ANKRD55: variants seen among roughly 807,000 people sequenced by gnomAD.
ANKRD55 encodes the protein ankyrin repeat domain-containing protein 55.
ANKRD55 carries 41 observed loss-of-function variants against 60.6 expected under a neutral mutation model. The observed-to-expected ratio is 0.68, with a 90% CI of 0.53 to 0.88. The LOEUF is 0.88. Among genes scored for constraint, ANKRD55 ranks in the 40% least tolerant of loss-of-function variants. The pLI, the probability that ANKRD55 is intolerant of heterozygous loss-of-function variation, is 0.00. For missense variants in ANKRD55, 732 were observed against 767.6 expected, an observed-to-expected ratio of 0.95 and a Z score of 0.55; for synonymous variants, 264 against 290.3, an observed-to-expected ratio of 0.91 and a Z score of 0.92.
chr5:56,099,945 T>A lies in ANKRD55; in HGVS notation c.*238A>T, dbSNP rs1307395056. The A allele has an allele frequency of 2.1e-6, 1 of 473,290 alleles. No individual in the cohort carries two copies. The highest frequency in any genetic ancestry group is 3.7e-6 in the Non-Finnish European group (1 of 267,344). 29.3% of individuals were successfully genotyped at this position (473,290 alleles called of 1,614,324 possible). On this transcript the variant is annotated 3_prime_UTR_variant, in exon 12 of 12. Coordinates refer to ENST00000341048, the MANE Select transcript of ANKRD55 (RefSeq NM_024669.3). ...TCCTACTGATAACATATTTTGTCTT[T>A]TAATTTTGGCATGTGGAAGTCACAG...
rs989048741 is a variant in ANKRD55 at position 56,181,804 on chromosome 5, G to A, written c.181+1708C>T. ...GGGGTTTCACCGTGTTGGCCAGGCC[G>A]GTCTTGACCTCAAGTCCTGATCTCA... On this transcript the variant is annotated intron_variant, in intron 3 of 11. Coordinates refer to ENST00000341048, the MANE Select transcript of ANKRD55 (RefSeq NM_024669.3). Among the ~76,000 whole-genome samples the A allele has an allele frequency of 3.3e-5, 5 of 152,178 alleles. No individual in the cohort carries two copies. The South Asian group carries it at 8.3e-4, about 25-fold the overall frequency.
chr5:56,111,529 T>C lies in ANKRD55; in HGVS notation c.1219A>G (p.Lys407Glu). ...TTTGAATTGTCTGAGGTTTTCTTCT[T>C]AAATTCAACCATAGCCACCTGATCA... ...PGDQVAMVEF[K>E]KKTSDNSKYL... Residue 407 changes from lysine to glutamate, a missense_variant, in exon 10 of 12, where the codon AAG becomes GAG. Physicochemically the swap from Lys to Glu is moderately conservative, Grantham distance 56 (BLOSUM62 1). Transcript: ENST00000341048. 1 of 1,614,100 alleles carries C rather than the reference T, an allele frequency of 6.2e-7. No homozygotes were observed. Among genetic ancestry groups the C allele is most frequent in the South Asian group, 1.1e-5 (1 of 91,074 alleles).
At chr5:56,155,780 G>A (rs747778707) in intron 6 of ANKRD55, among the ~76,000 whole-genome samples, 1 of 150,936 alleles carries the variant, frequency 6.6e-6, no homozygotes, top group African/African-American at 2.4e-5. Context: ...AGGATGCGGA[G>A]GTTACAGTGC....
intron 2 of ANKRD55, among the ~76,000 whole-genome samples, chr5:56,212,937 C>T (rs937230847): frequency 1.3e-5 from 2 of 152,168 alleles, no homozygotes; most frequent in East Asian, 3.8e-4. Context: ...TAATTCATTA[C>T]ATGAAAATAT....
intron 2 of ANKRD55, among the ~76,000 whole-genome samples, chr5:56,188,391 A>G (rs1759023332): frequency 6.6e-6 from 1 of 152,122 alleles, no homozygotes; most frequent in African/African-American, 2.4e-5. Context: ...AAAAGAAAAA[A>G]GAAATCTTAG....
rs375196460 is a variant in ANKRD55 at position 56,111,446 on chromosome 5, C to G, written c.1302G>C (p.Thr434=). ...CCAGGGTGATGGGTGGGAGACTCTG[C>G]GTTCTGATTGGTGGAAGCCCCTTAC... The part of the protein sequence containing the change: ...LARKGLPPIR[T]QSLPPITLGN... Residue 434 remains threonine, a synonymous_variant, in exon 10 of 12, where the codon ACG becomes ACC. Coordinates refer to ENST00000341048, the MANE Select transcript of ANKRD55 (RefSeq NM_024669.3). 2 of 1,614,014 alleles carry G rather than the reference C, an allele frequency of 1.2e-6. No homozygotes were observed. The highest frequency in any genetic ancestry group is 2.7e-5 in the African/African-American group (2 of 74,908).
chr5:56,134,271 T>A (rs986439912), intron 7 of ANKRD55, among the ~76,000 whole-genome samples: 1 of 115,406 alleles, frequency 8.7e-6, no homozygotes, highest in Non-Finnish European at 2.1e-5. Flanking sequence ...CTGAATACGT[T>A]TATGTCTATT....
At chr5:56,143,144 C>CG (rs1328431702) in intron 7 of ANKRD55, among the ~76,000 whole-genome samples, 6 of 152,108 alleles carry the variant, frequency 3.9e-5, no homozygotes, top group African/African-American at 1.4e-4. Flanking sequence ...AAGACAGAGA[C>CG]GGGCTGGCAA....
intron 6 of ANKRD55, among the ~76,000 whole-genome samples, chr5:56,152,785 C>G (rs1439661022): frequency 6.6e-6 from 1 of 151,846 alleles, no homozygotes; most frequent in Non-Finnish European, 1.5e-5. Context: ...ATCATTGGAA[C>G]AGAACAAAGA....
intron 7 of ANKRD55, chr5:56,127,384 ATACAGGTGC>A (rs1757298039): frequency 1.0e-6 from 1 of 976,038 alleles, no homozygotes; most frequent in African/African-American, 1.8e-5. Context: ...TTGAAATTAA[ATACAGGTGC>A]AATGGACTGA....
intron 7 of ANKRD55, among the ~76,000 whole-genome samples, chr5:56,136,222 G>A (rs1757594207): frequency 6.6e-6 from 1 of 152,132 alleles, no homozygotes; most frequent in South Asian, 2.1e-4. Flanking sequence ...AGTCCCTATC[G>A]AAATACCAGA....
intron 2 of ANKRD55, among the ~76,000 whole-genome samples, chr5:56,228,198 A>C (rs780620563): frequency 6.6e-6 from 1 of 152,066 alleles, no homozygotes; most frequent in Non-Finnish European, 1.5e-5. Flanking sequence ...AAGGACTTTG[A>C]GAGGAGGAGT....
At position 56,136,170 on chromosome 5, in the gene ANKRD55, T is replaced by G. The variant is rs569547287; in HGVS notation, c.612+7631A>C. ...CATGGTTAAGAAGACTTAAAATTGT[T>G]AAGATATCAGTTCTTCAAAATTTGA... On this transcript the variant is annotated intron_variant, in intron 7 of 11. Coordinates refer to ENST00000341048, the MANE Select transcript of ANKRD55 (RefSeq NM_024669.3). 1.3e-3 allele frequency among the ~76,000 whole-genome samples: 200 copies of G among 152,328 alleles called. 2 individuals are homozygous for G. The highest frequency in any genetic ancestry group is 4.5e-3 in the African/African-American group (189 of 41,582).
intron 9 of ANKRD55, among the ~76,000 whole-genome samples, chr5:56,112,511 A>AAAAAACAAAAAAAAAAC (rs1554036586): frequency 2.5e-5 from 2 of 81,528 alleles, no homozygotes; most frequent in Non-Finnish European, 4.7e-5. Flanking sequence ...TAGCAAAAAA[A>AAAAAACAAAAAAAAAAC]AAAAAAAAAA....
chr5:56,230,584 C>T (rs529433936), intron 2 of ANKRD55, among the ~76,000 whole-genome samples: 35 of 152,268 alleles, frequency 2.3e-4, no homozygotes, highest in African/African-American at 7.2e-4. Context: ...GAGAAAGTCA[C>T]CTCCCTTTGG....
rs77355159 is a variant in ANKRD55, at chr5:56,191,617, T to A, written c.59-7983A>T. Among the ~76,000 whole-genome samples, 57 of 152,120 alleles carry A rather than the reference T, an allele frequency of 3.7e-4. 1 individual carries two copies. In the East Asian group the frequency reaches 0.011, roughly 28 times the overall value. On this transcript the variant is annotated intron_variant, in intron 2 of 11. Coordinates refer to ENST00000341048, the MANE Select transcript of ANKRD55 (RefSeq NM_024669.3). Reference sequence around the variant, plus strand: ...TTAGAGCTTATAAAAATGGACCGAGTCACCTCAAGAAGTAGTGAGCTTCCT... The same window carrying A: ...TTAGAGCTTATAAAAATGGACCGAGACACCTCAAGAAGTAGTGAGCTTCCT...
intron 2 of ANKRD55, among the ~76,000 whole-genome samples, chr5:56,206,400 C>T (rs1354380446): frequency 6.6e-6 from 1 of 152,144 alleles, no homozygotes; most frequent in Non-Finnish European, 1.5e-5. Flanking sequence ...GACTGGATTA[C>T]AAAAATTATG....
intron 2 of ANKRD55, among the ~76,000 whole-genome samples, chr5:56,203,848 C>G (rs1485613425): frequency 6.6e-6 from 1 of 152,128 alleles, no homozygotes; most frequent in Non-Finnish European, 1.5e-5. Flanking sequence ...TGGGTATATA[C>G]CCAGTAATGG....
chr5:56,226,946 T>G (rs1194575421), intron 2 of ANKRD55, among the ~76,000 whole-genome samples: 1 of 152,192 alleles, frequency 6.6e-6, no homozygotes, highest in African/African-American at 2.4e-5. Flanking sequence ...GTCAAGGATC[T>G]AGAACTAGAA....
Sources: gnomAD v4.1 joint callset for allele counts (sites outside exome capture counted in the v4.1 genomes callset) on GRCh38, gnomAD v4.1.1 for gene constraint, MANE v1.5 for transcripts, NCBI Gene and HGNC (gene_info 2026-07-23, HGNC 2026-07-21) for gene names.